Variants in LHFPL2 observed in about 807,000 individuals in gnomAD.
The protein encoded by LHFPL2 is LHFPL tetraspan subfamily member 2.
Under a neutral mutation model 17.5 loss-of-function variants are expected in LHFPL2, and 7 were observed. That is an observed-to-expected ratio of 0.40 (90% confidence interval 0.23 to 0.75). The LOEUF is 0.75. LHFPL2 is among the 30% of genes least tolerant of loss of function. LHFPL2 has a pLI of 0.37. For synonymous variants in LHFPL2, 134 were observed against 116.2 expected, an observed-to-expected ratio of 1.15 and a Z score of -0.99; for missense variants, 241 against 294.8, an observed-to-expected ratio of 0.82 and a Z score of 1.34.
At chr5:78,607,387 A>G (rs1235996275) in intron 2 of LHFPL2, among the ~76,000 whole-genome samples, 1 of 152,260 alleles carries the variant, frequency 6.6e-6, no homozygotes, top group Non-Finnish European at 1.5e-5. Flanking sequence ...TGCTGGGATT[A>G]CAGGCATGAG....
In LHFPL2 at chr5:78,510,265, CAAG is replaced by C. The variant is rs547758183; in HGVS notation, c.-55_-53del. 48 of 1,499,016 alleles carry C rather than the reference CAAG, an allele frequency of 3.2e-5. No individual in the cohort carries two copies. The South Asian group carries it at 5.1e-4, about 16-fold the overall frequency. 92.9% of individuals were successfully genotyped at this position (1,499,016 alleles called of 1,614,324 possible). A position where few individuals can be genotyped will look rare whatever the true frequency, so the allele number is the denominator to read the frequency against. On this transcript the variant is annotated 5_prime_UTR_variant, in exon 4 of 5. Coordinates refer to ENST00000380345, the MANE Select transcript of LHFPL2 (RefSeq NM_005779.3). ...CAGGAGTCCACGGAGTTAATCAAAACAAGAAAGTCGGTGGGGAAGGAGGCTCGG... is the reference window on the plus strand; with the variant it reads ...CAGGAGTCCACGGAGTTAATCAAAACAAAGTCGGTGGGGAAGGAGGCTCGG...
intron 1 of LHFPL2, among the ~76,000 whole-genome samples, chr5:78,645,561 C>T (rs1233649913): frequency 2.7e-5 from 4 of 149,702 alleles, no homozygotes; most frequent in Non-Finnish European, 5.9e-5. Flanking sequence ...CACACACACA[C>T]ACACACACAC....
chr5:78,547,057 C>T (rs1338334455), intron 3 of LHFPL2, among the ~76,000 whole-genome samples: 1 of 151,822 alleles, frequency 6.6e-6, no homozygotes, highest in East Asian at 1.9e-4. Flanking sequence ...GTCCCCTTGG[C>T]CCCCATCACC....
chr5:78,575,314 C>T lies in LHFPL2; in HGVS notation c.-244-10443G>A, dbSNP rs188793187. Among the ~76,000 whole-genome samples the T allele has an allele frequency of 6.7e-3, 1,026 of 152,236 alleles. 12 individuals carry two copies. Among genetic ancestry groups the T allele is most frequent in the African/African-American group, 0.023 (973 of 41,544 alleles). On this transcript the variant is annotated intron_variant, in intron 2 of 4. Coordinates refer to ENST00000380345, the MANE Select transcript of LHFPL2 (RefSeq NM_005779.3). ...ATGTAATCCCAGCACTTTGGGAGGCCGAGGTGCGTGGATCACAAGGTCAGG... is the reference window on the plus strand; with the variant it reads ...ATGTAATCCCAGCACTTTGGGAGGCTGAGGTGCGTGGATCACAAGGTCAGG...
In LHFPL2 at chr5:78,494,682, T is replaced by A. The variant is rs1754550109; in HGVS notation, c.431-5529A>T. ...GCTGGTGCTCGCCCTCCCAATCAGC[T>A]GGGCACCAGCCATCCCAGCGCAGCA... On this transcript the variant is annotated intron_variant, in intron 4 of 4. Coordinates refer to ENST00000380345, the MANE Select transcript of LHFPL2 (RefSeq NM_005779.3). Among the ~76,000 whole-genome samples the A allele has an allele frequency of 2.0e-5, 3 of 152,308 alleles. No homozygotes were observed. In the South Asian group the frequency reaches 6.2e-4, roughly 32 times the overall value.
At chr5:78,647,524 T>C (rs1180815165) in intron 1 of LHFPL2, among the ~76,000 whole-genome samples, 1 of 152,184 alleles carries the variant, frequency 6.6e-6, no homozygotes, top group Admixed American at 6.5e-5. Context: ...GCGGCCGCGT[T>C]GCAATTTCAA....
intron 2 of LHFPL2, among the ~76,000 whole-genome samples, chr5:78,579,960 C>A (rs1429788659): frequency 3.3e-5 from 5 of 152,190 alleles, no homozygotes; most frequent in African/African-American, 9.7e-5. Flanking sequence ...TTTACAGTCC[C>A]ACCAACAGTG....
At chr5:78,548,187 TG>T (rs1419335810) in intron 3 of LHFPL2, among the ~76,000 whole-genome samples, 1 of 152,180 alleles carries the variant, frequency 6.6e-6, no homozygotes. Context: ...TGGCTCTGAG[TG>T]TTTTAAGGCC....
At chr5:78,490,224 T>A (rs980321911) in intron 4 of LHFPL2, among the ~76,000 whole-genome samples, 3 of 152,210 alleles carry the variant, frequency 2.0e-5, no homozygotes, top group African/African-American at 7.2e-5. Flanking sequence ...CCAGAATGCA[T>A]CACTTGAGTT....
At chr5:78,504,329 A>C (rs1356181063) in intron 4 of LHFPL2, among the ~76,000 whole-genome samples, 1 of 152,100 alleles carries the variant, frequency 6.6e-6, no homozygotes, top group East Asian at 1.9e-4. Context: ...TTCAGGAGAA[A>C]AATTCTGAGG....
chr5:78,618,828 T>G (rs893601067), intron 2 of LHFPL2, among the ~76,000 whole-genome samples: 1 of 152,038 alleles, frequency 6.6e-6, no homozygotes, highest in African/African-American at 2.4e-5. Flanking sequence ...ACATACACAT[T>G]GAAAAAGGCC....
chr5:78,639,938 G>A (rs1000624707), intron 1 of LHFPL2, among the ~76,000 whole-genome samples: 1 of 152,158 alleles, frequency 6.6e-6, no homozygotes, highest in Non-Finnish European at 1.5e-5. Context: ...TTAAACAACT[G>A]GCTAAATGCC....
intron 2 of LHFPL2, among the ~76,000 whole-genome samples, chr5:78,627,742 C>A (rs1254039221): frequency 6.6e-6 from 1 of 152,208 alleles, no homozygotes; most frequent in African/African-American, 2.4e-5. Context: ...ACTGCATTCA[C>A]CTGACAGAAG....
At chr5:78,612,384 T>C (rs1234974686) in intron 2 of LHFPL2, among the ~76,000 whole-genome samples, 1 of 152,236 alleles carries the variant, frequency 6.6e-6, no homozygotes, top group African/African-American at 2.4e-5. Context: ...AATGCCATTG[T>C]ATAGTCATTC....
chr5:78,615,701 G>A lies in LHFPL2; in HGVS notation c.-245+16563C>T, dbSNP rs573763708. On this transcript the variant is annotated intron_variant, in intron 2 of 4. Transcript: ENST00000380345. ...TGTCCCAAAATACAAAACAAAATTT[G>A]ATTCAAAACCTCATGCTGGGACTAG... is the stretch of plus-strand genomic sequence containing the variant. Among the ~76,000 whole-genome samples the A allele has an allele frequency of 1.8e-3, 275 of 152,222 alleles. 1 individual carries two copies. The highest frequency in any genetic ancestry group is 3.0e-3 in the Admixed American group (46 of 15,290).
chr5:78,572,803 G>C (rs903872222), intron 2 of LHFPL2, among the ~76,000 whole-genome samples: 3 of 152,128 alleles, frequency 2.0e-5, no homozygotes, highest in Non-Finnish European at 4.4e-5. Flanking sequence ...CCAGGGACCT[G>C]TTTCCTGGAA....
At chr5:78,527,791 C>T (rs1755663864) in intron 3 of LHFPL2, among the ~76,000 whole-genome samples, 1 of 152,154 alleles carries the variant, frequency 6.6e-6, no homozygotes, top group African/African-American at 2.4e-5. Context: ...ATTAGCTACC[C>T]ATCTTGGTCC....
chr5:78,581,774 G>A (rs1240383604), intron 2 of LHFPL2, among the ~76,000 whole-genome samples: 1 of 152,156 alleles, frequency 6.6e-6, no homozygotes, highest in Non-Finnish European at 1.5e-5. Context: ...GCCTCTACCC[G>A]GCTTTGGTAT....
intron 2 of LHFPL2, among the ~76,000 whole-genome samples, chr5:78,569,072 G>C (rs1052079917): frequency 6.6e-6 from 1 of 152,078 alleles, no homozygotes; most frequent in Non-Finnish European, 1.5e-5. Flanking sequence ...AACAACCAAC[G>C]TAAGATGCCT....
Sources: gnomAD v4.1 joint callset for allele counts (sites outside exome capture counted in the v4.1 genomes callset) on GRCh38, gnomAD v4.1.1 for gene constraint, MANE v1.5 for transcripts, NCBI Gene and HGNC (gene_info 2026-07-23, HGNC 2026-07-21) for gene names.